The following CLASP1 variants were observed in gnomAD, a reference collection of about 807,000 sequenced individuals.
The protein encoded by CLASP1 is CLIP-associating protein 1.
A neutral mutation model predicts 192.3 loss-of-function variants in CLASP1; 38 were observed. The observed-to-expected ratio is 0.20, with a 90% CI of 0.15 to 0.26. The LOEUF (loss-of-function observed/expected upper bound fraction) is 0.26. Ranked by LOEUF, CLASP1 falls within the 10% of genes least tolerant of loss-of-function variation. CLASP1 has a pLI of 1.00. For synonymous variants in CLASP1, 691 were observed against 712.8 expected, an observed-to-expected ratio of 0.97 and a Z score of 0.49; for missense variants, 1,433 against 1,932.5, an observed-to-expected ratio of 0.74 and a Z score of 4.85.
At chr2:121,610,914 A>G (rs996222389) in intron 1 of CLASP1, among the ~76,000 whole-genome samples, 1 of 115,862 alleles carries the variant, frequency 8.6e-6, no homozygotes, top group Admixed American at 8.6e-5. Context: ...AGGAAGAGGA[A>G]CTGGAGGAGG....
intron 2 of CLASP1, among the ~76,000 whole-genome samples, chr2:121,564,906 G>C (rs1306022402): frequency 6.6e-6 from 1 of 152,162 alleles, no homozygotes; most frequent in African/African-American, 2.4e-5. Flanking sequence ...GCAGCTATGG[G>C]GCAAGAAGCA....
At chr2:121,449,988 A>G (rs1191986674) in intron 16 of CLASP1, among the ~76,000 whole-genome samples, 4 of 152,186 alleles carry the variant, frequency 2.6e-5, no homozygotes, top group African/African-American at 9.7e-5. Flanking sequence ...ACTGCCCAAG[A>G]GAGAATGTCT....
intron 19 of CLASP1, chr2:121,444,822 G>A (rs771632412): frequency 5.6e-5 from 31 of 555,990 alleles, no homozygotes; most frequent in South Asian, 9.4e-5. Flanking sequence ...GAGAAACAGC[G>A]TGCAACATCT....
intron 8 of CLASP1, among the ~76,000 whole-genome samples, chr2:121,500,968 C>T (rs2093733915): frequency 6.6e-6 from 1 of 152,154 alleles, no homozygotes; most frequent in Non-Finnish European, 1.5e-5. Flanking sequence ...TACCTAGCCA[C>T]TTAGAATAAA....
chr2:121,587,746 G>A (rs935457651), intron 2 of CLASP1, among the ~76,000 whole-genome samples: 5 of 150,878 alleles, frequency 3.3e-5, no homozygotes, highest in Admixed American at 2.0e-4. Flanking sequence ...CAGGGAAATC[G>A]CTTGAACCCG....
At chr2:121,401,953 G>GC (rs1448751329) in intron 26 of CLASP1, 83 bp from the exon 28 acceptor site, 1 of 558,330 alleles carries the variant, frequency 1.8e-6, no homozygotes, top group African/African-American at 1.9e-5. Flanking sequence ...CCATTTTCAT[G>GC]CGTTTTTTTA....
chr2:121,509,296 G>A (rs1453189035), intron 7 of CLASP1, among the ~76,000 whole-genome samples: 5 of 152,202 alleles, frequency 3.3e-5, no homozygotes, highest in South Asian at 2.1e-4. Context: ...CTGCCTCAGC[G>A]TCTCATGTAG....
chr2:121,631,177 A>G (rs1328396722), intron 1 of CLASP1, among the ~76,000 whole-genome samples: 1 of 150,906 alleles, frequency 6.6e-6, no homozygotes, highest in African/African-American at 2.4e-5. Flanking sequence ...AAAAAAAAAA[A>G]AAAAAGAAAT....
chr2:121,480,606 AAATG>A (rs1293906416), intron 8 of CLASP1, among the ~76,000 whole-genome samples: 1 of 152,198 alleles, frequency 6.6e-6, no homozygotes, highest in Non-Finnish European at 1.5e-5. Flanking sequence ...TATAAAAAGA[AAATG>A]AAGAGAGATA....
At chr2:121,594,553 C>T (rs1035183337) in intron 2 of CLASP1, among the ~76,000 whole-genome samples, 2 of 151,628 alleles carry the variant, frequency 1.3e-5, no homozygotes, top group African/African-American at 2.4e-5. Context: ...ATACCACGCC[C>T]GGCTAATTTC....
At chr2:121,476,647 A>G (rs897088398) in intron 8 of CLASP1, among the ~76,000 whole-genome samples, 1 of 152,208 alleles carries the variant, frequency 6.6e-6, no homozygotes, top group South Asian at 2.1e-4. Context: ...GCTTTGATGG[A>G]TAGAAGCCCA....
chr2:121,428,008 A>C (rs933043926), intron 20 of CLASP1, among the ~76,000 whole-genome samples: 13 of 152,246 alleles, frequency 8.5e-5, no homozygotes, highest in Non-Finnish European at 1.3e-4. Context: ...TTTAATTTAT[A>C]TGCATAAGCT....
At chr2:121,363,244 T>A in exon 37 of CLASP1, 1 of 1,613,986 alleles carries the variant, frequency 6.2e-7, no homozygotes, top group South Asian at 1.1e-5. Flanking sequence ...TAAATCTTGC[T>A]GGTTGATTTC....
chr2:121,376,528 G>T (rs996551426), intron 34 of CLASP1, among the ~76,000 whole-genome samples: 24 of 1,034 alleles, frequency 0.023, no homozygotes, highest in African/African-American at 0.043. Context: ...GGAAGGGGTG[G>T]GGGGGGGGTC....
At chr2:121,574,126 G>A (rs942365820) in intron 2 of CLASP1, among the ~76,000 whole-genome samples, 2 of 152,000 alleles carry the variant, frequency 1.3e-5, no homozygotes, top group African/African-American at 2.4e-5. Flanking sequence ...TCAGGAGATC[G>A]AGACTATCCT....
intron 1 of CLASP1, among the ~76,000 whole-genome samples, chr2:121,629,411 AAAAT>A (rs1032766159): frequency 2.0e-5 from 3 of 151,998 alleles, no homozygotes; most frequent in Admixed American, 6.6e-5. Context: ...TAAAAAATAA[AAAAT>A]AAATAAATAA....
At chr2:121,544,847 G>A (rs1396947331) in intron 2 of CLASP1, among the ~76,000 whole-genome samples, 1 of 151,882 alleles carries the variant, frequency 6.6e-6, no homozygotes, top group Non-Finnish European at 1.5e-5. Flanking sequence ...TGGCAAAAGG[G>A]ATTCTCAGAA....
intron 9 of CLASP1, 51 bp downstream of exon 9, chr2:121,469,757 T>A: frequency 1.9e-6 from 3 of 1,552,938 alleles, no homozygotes; most frequent in Non-Finnish European, 2.6e-6. Flanking sequence ...ACCTCTGGTT[T>A]GAAAAGCTGG....
chr2:121,558,016 G>A (rs932336824), intron 2 of CLASP1, among the ~76,000 whole-genome samples: 2 of 151,284 alleles, frequency 1.3e-5, no homozygotes, highest in Admixed American at 6.6e-5. Context: ...GGAGGCTGAG[G>A]TTGCAGTGAG....
Sources: gnomAD v4.1 joint callset for allele counts (sites outside exome capture counted in the v4.1 genomes callset) on GRCh38, gnomAD v4.1.1 for gene constraint, MANE v1.5 for transcripts, NCBI Gene and HGNC (gene_info 2026-07-23, HGNC 2026-07-21) for gene names.